UNC13A: variants seen among roughly 807,000 people sequenced by gnomAD.
The protein encoded by UNC13A is unc-13 homolog A, also known as protein unc-13 homolog A.
UNC13A carries 61 observed loss-of-function variants against 219.7 expected under a neutral mutation model. The observed-to-expected ratio is 0.28, with a 90% CI of 0.23 to 0.34. UNC13A has a LOEUF of 0.34. Among genes scored for constraint, UNC13A ranks in the 10% least tolerant of loss-of-function variants. UNC13A has a pLI of 1.00. For missense variants in UNC13A, 1,476 were observed against 2,270.3 expected (o/e 0.65, Z 7.11); for synonymous variants, 920 against 884.6 (o/e 1.04, Z -0.71).
chr19:17,646,548 C>T (rs930487440), intron 17 of UNC13A, among the ~76,000 whole-genome samples: 6 of 152,258 alleles, frequency 3.9e-5, no homozygotes, highest in African/African-American at 1.4e-4. Context: ...GTCCCCAAAC[C>T]ATGAAGGATG....
rs564722826 is a variant in UNC13A, at chr19:17,626,712, C to T, written c.3994G>A (p.Val1332Met). ...ACGCTGCTGCAGGCACTGGCTGGCA[C>T]ATTGCCTGTGCCCTTAACCTGGCTA... ...ILSQVKGTGN[V>M]PASACSSVAQ... The change falls in exon 34 of 44, where the codon GTG becomes ATG. Residue 1332 changes from valine (V) to methionine (M), a missense_variant. Val to Met is a conservative substitution (Grantham distance 21). Coordinates refer to ENST00000519716, the MANE Select transcript of UNC13A (RefSeq NM_001080421.3). 6.2e-7 allele frequency: 1 copy of T among 1,607,976 alleles called. No individual in the cohort carries two copies. Among genetic ancestry groups the T allele is most frequent in the Non-Finnish European group, 8.5e-7 (1 of 1,177,488 alleles).
At position 17,633,206 on chromosome 19, in the gene UNC13A, T is replaced by C. The variant is rs761253015; in HGVS notation, c.3216-13A>G. 2.5e-6 allele frequency: 4 copies of C among 1,613,882 alleles called. No individual in the cohort carries two copies. Among genetic ancestry groups the C allele is most frequent in the Non-Finnish European group, 3.4e-6 (4 of 1,179,822 alleles). ...CTCCTGGGGAAACCTGGCAAAGTCATGGAAGTATAAAACTTTGGCAGGCAG... is the reference window on the plus strand; with the variant it reads ...CTCCTGGGGAAACCTGGCAAAGTCACGGAAGTATAAAACTTTGGCAGGCAG... On this transcript the variant is annotated splice_polypyrimidine_tract_variant and intron_variant, in intron 26 of 43. Coordinates refer to ENST00000519716, the MANE Select transcript of UNC13A (RefSeq NM_001080421.3).
intron 1 of UNC13A, among the ~76,000 whole-genome samples, chr19:17,687,841 C>T (rs1720933993): frequency 6.6e-6 from 1 of 152,140 alleles, no homozygotes; most frequent in South Asian, 2.1e-4. Flanking sequence ...CTCTTCCTCA[C>T]TGACCCTCTA....
Position 17,666,661 on chromosome 19 carries a change from C to G in UNC13A, c.512G>C (p.Ser171Thr). The G allele has an allele frequency of 6.5e-7, 1 of 1,532,268 alleles. No individual in the cohort carries two copies. Among genetic ancestry groups the G allele is most frequent in the Non-Finnish European group, 8.8e-7 (1 of 1,138,738 alleles). 94.9% of individuals were successfully genotyped at this position (1,532,268 alleles called of 1,614,324 possible). ...CAAGAGGTACTTACAGCACTGGTTG[C>G]TGGGGACAGGCAGAGGCTTGTCTTG... Reference protein sequence around the residue: ...DEQDKPLPVPSNQCCNWNYFG... With the variant: ...DEQDKPLPVPTNQCCNWNYFG... The change falls in exon 7 of 44, where the codon AGC becomes ACC. Residue 171 changes from serine to threonine, a missense_variant. Around this residue, in one of 14 missense-constraint regions of UNC13A, gnomAD observed 203 missense variants for 301.6 expected, o/e 0.67. Transcript: ENST00000519716.
Position 17,655,309 on chromosome 19 carries a change from G to T in UNC13A, c.1357C>A (p.Arg453Ser), listed in dbSNP as rs1015539766. The T allele has an allele frequency of 6.3e-7, 1 of 1,588,084 alleles. No homozygotes were observed. Among genetic ancestry groups the T allele is most frequent in the Non-Finnish European group, 8.6e-7 (1 of 1,168,272 alleles). ...TGCATCCGCACCTTGTTGAAGGCAC[G>T]CAGCCAGTTGGCCTTGGCCCTGGAC... ...SMSRAKANWL[R>S]AFNKVRMQLQ... Residue 453 changes from arginine to serine, a missense_variant, in exon 11 of 44, where the codon CGT (arginine) becomes AGT (serine). Coordinates refer to ENST00000519716, the MANE Select transcript of UNC13A (RefSeq NM_001080421.3).
At chr19:17,668,023 A>G (rs7248783) in intron 6 of UNC13A, 94 bp downstream of exon 6, 1,100,838 of 1,304,988 alleles carry the variant, frequency 0.84, 469,643 homozygotes, top group Middle Eastern at 0.88. Context: ...AGGGAAAGAC[A>G]AGCTTAGAGA....
At chr19:17,639,350 C>G in intron 24 of UNC13A, 86 bp downstream of exon 24, 1 of 1,567,426 alleles carries the variant, frequency 6.4e-7, no homozygotes, top group South Asian at 1.2e-5. Context: ...GGCTGCCACT[C>G]TCCAGGAGGA....
At chr19:17,613,739 G>C (rs377097682) in intron 41 of UNC13A, 8 of 128,584 alleles carry the variant, frequency 6.2e-5, no homozygotes, top group East Asian at 2.7e-4. Flanking sequence ...TTTTTGAGAT[G>C]GAGTCTTGCT....
rs149479404 is a variant in UNC13A, at chr19:17,687,288, G to A, written c.22+890C>T. Among the ~76,000 whole-genome samples the A allele has an allele frequency of 4.2e-3, 631 of 151,914 alleles. 4 individuals are homozygous for A. Among genetic ancestry groups the A allele is most frequent in the African/African-American group, 0.014 (596 of 41,440 alleles). On this transcript the variant is annotated intron_variant, in intron 1 of 43. Transcript: ENST00000519716. The stretch of plus-strand genomic sequence containing the variant: ...GGGCCTCTGTGCAGATGGCGTTCTG[G>A]CCCCAAAATAGCTCCCCCCCCACCT...
chr19:17,616,382 G>A, intron 41 of UNC13A: 1 of 691,282 alleles, frequency 1.4e-6, no homozygotes, highest in Non-Finnish European at 2.6e-6. Flanking sequence ...AGGCGCGGGC[G>A]GCGGGCGGGA....
chr19:17,631,078 T>C (rs2076840235), intron 28 of UNC13A, among the ~76,000 whole-genome samples: 1 of 54,312 alleles, frequency 1.8e-5, no homozygotes, highest in Non-Finnish European at 4.0e-5. Flanking sequence ...CCTCCCTCCT[T>C]CCTTCCTTCC....
At chr19:17,607,029 T>C (rs1259503941) in intron 43 of UNC13A, among the ~76,000 whole-genome samples, 1 of 152,082 alleles carries the variant, frequency 6.6e-6, no homozygotes, top group African/African-American at 2.4e-5. Context: ...CCTCTATCCC[T>C]GAAGTACTCC....
At chr19:17,633,834 C>A (rs898454594) in intron 26 of UNC13A, among the ~76,000 whole-genome samples, 2 of 151,894 alleles carry the variant, frequency 1.3e-5, no homozygotes, top group African/African-American at 4.8e-5. Flanking sequence ...TCCCTCTACC[C>A]ATTCATCCAA....
chr19:17,687,261 G>T (rs1428127012), intron 1 of UNC13A, among the ~76,000 whole-genome samples: 2 of 151,914 alleles, frequency 1.3e-5, no homozygotes, highest in Non-Finnish European at 2.9e-5. Flanking sequence ...GGGCCTGGGC[G>T]TGGGCCTCTG....
rs2076584782 is a variant in UNC13A, at chr19:17,609,994, G to T, written c.4757C>A (p.Ala1586Glu). 1.9e-6 allele frequency: 3 copies of T among 1,614,004 alleles called. No homozygotes were observed. Among genetic ancestry groups the T allele is most frequent in the Non-Finnish European group, 2.5e-6 (3 of 1,179,900 alleles). Residue 1586 changes from alanine (A) to glutamate (E), a missense_variant, in exon 43 of 44, where the codon GCG becomes GAG. By Grantham distance (107) the Ala-to-Glu change is moderately radical. This residue lies in a region of UNC13A where 187 missense variants were observed against 172.3 expected (regional missense o/e 1.09). Transcript: ENST00000519716. The stretch of plus-strand genomic sequence containing the variant: ...CCAGCTATTGTTCTTGGATTTGGTC[G>T]CAAACTTGCGTTTCTTGTCGCTGAG... The part of the protein sequence containing the change: ...PQLSDKKRKF[A>E]TKSKNNSWAP...
Position 17,649,569 on chromosome 19 carries a change from G to A in UNC13A, c.1458C>T (p.Ile486=), listed in dbSNP as rs1426320109. The part of the protein sequence containing the change: ...WFKGGPGGGL[I]IIDSMPDIRK... ...GGATGTCTGGCATGCTGTCGATGAT[G>A]ATGAGACCGCCCCCTGGGCTGAAAG... is the stretch of plus-strand genomic sequence containing the variant. Residue 486 remains isoleucine, a synonymous_variant, in exon 13 of 44, where the codon ATC becomes ATT. Transcript: ENST00000519716. The surrounding 1 kb of genome is among the most constrained non-coding windows in gnomAD (Gnocchi z 4.4). 8.1e-6 allele frequency: 13 copies of A among 1,613,756 alleles called. No homozygotes were observed. The highest frequency in any genetic ancestry group is 2.7e-5 in the African/African-American group (2 of 74,876).
At chr19:17,676,506 G>GC in intron 1 of UNC13A, among the ~76,000 whole-genome samples, 1 of 152,250 alleles carries the variant, frequency 6.6e-6, no homozygotes, top group East Asian at 1.9e-4. Context: ...CTCCAGGATT[G>GC]CCCCAGAAGA....
At position 17,605,864 on chromosome 19, in the gene UNC13A, G is replaced by A. The variant is rs937678282; in HGVS notation, c.*190C>T. The A allele has an allele frequency of 5.7e-5, 32 of 561,410 alleles. No individual in the cohort carries two copies. The highest frequency in any genetic ancestry group is 1.0e-3 in the Middle Eastern group (2 of 2,000). 34.8% of individuals were successfully genotyped at this position (561,410 alleles called of 1,614,324 possible). On this transcript the variant is annotated 3_prime_UTR_variant, in exon 44 of 44. Transcript: ENST00000519716. Reference sequence around the variant, plus strand: ...CGCGCCCTTGGGCGTGGCCTCCCGAGAGGGCGGGGCATCCTCCATTCCTAA... The same window carrying A: ...CGCGCCCTTGGGCGTGGCCTCCCGAAAGGGCGGGGCATCCTCCATTCCTAA...
At chr19:17,666,902 G>A (rs1477488378) in intron 6 of UNC13A, among the ~76,000 whole-genome samples, 198 bp from the exon 7 acceptor site, 1 of 74,046 alleles carries the variant, frequency 1.4e-5, no homozygotes, top group African/African-American at 5.6e-5. Context: ...GAGAGAGAGA[G>A]AGAGAGAGAA....
Sources: allele counts gnomAD v4.1 joint callset (sites outside exome capture counted in the v4.1 genomes callset), GRCh38; gene constraint gnomAD v4.1.1; regional missense constraint gnomAD v4.1.1; non-coding constraint Gnocchi (gnomAD v3.1); transcripts MANE v1.5; gene names NCBI Gene and HGNC (gene_info 2026-07-23, HGNC 2026-07-21).